Variants in PTER observed in about 807,000 individuals in gnomAD.
PTER encodes the protein phosphotriesterase related, also known as N-acetyltaurine hydrolase.
PTER carries 38 observed loss-of-function variants against 29.6 expected under a neutral mutation model. The observed-to-expected ratio is 1.28, with a 90% CI of 0.99 to 1.68. PTER has a LOEUF of 1.68. PTER is among the 40% of genes most tolerant of loss of function. The pLI is 0.00. For synonymous variants in PTER, 172 were observed against 154.5 expected (o/e 1.11, Z -0.84); for missense variants, 482 against 427.8 (o/e 1.13, Z -1.12).
intron 2 of PTER, 100 bp from the exon 3 acceptor site, chr10:16,486,252 A>G (rs1835688592): frequency 7.8e-7 from 1 of 1,290,090 alleles, no homozygotes; most frequent in South Asian, 1.5e-5. Flanking sequence ...TTTTTAAAAG[A>G]ATGAATGACA....
At chr10:16,446,762 ATTTT>A (rs1426983055) in intron 1 of PTER, among the ~76,000 whole-genome samples, 1 of 150,980 alleles carries the variant, frequency 6.6e-6, no homozygotes, top group Non-Finnish European at 1.5e-5. Flanking sequence ...ATTGTAAGAC[ATTTT>A]TGTTTGTTTG....
At chr10:16,455,106 G>A (rs998796480) in intron 1 of PTER, among the ~76,000 whole-genome samples, 7 of 152,040 alleles carry the variant, frequency 4.6e-5, no homozygotes, top group African/African-American at 1.5e-4. Context: ...GTATACACCT[G>A]TAGTCCCAGC....
In PTER at chr10:16,503,604, C is replaced by T. The variant is rs962973912; in HGVS notation, c.699-1416C>T. On this transcript the variant is annotated intron_variant, in intron 3 of 4. Transcript: ENST00000535784. ...TATTTTTAGTAGAGATGGGGTTTCG[C>T]CATGTTGGCCAAGCTGGTCTTGAAC... 4.6e-5 allele frequency among the ~76,000 whole-genome samples: 7 copies of T among 152,146 alleles called. 1 individual carries two copies. Among genetic ancestry groups the T allele is most frequent in the Admixed American group, 1.3e-4 (2 of 15,284 alleles).
intron 1 of PTER, among the ~76,000 whole-genome samples, chr10:16,462,625 C>T (rs1174734856): frequency 6.8e-6 from 1 of 146,002 alleles, no homozygotes; most frequent in Non-Finnish European, 1.5e-5. Flanking sequence ...GGCTGGAGTG[C>T]AGTGATGCAA....
At position 16,512,239 on chromosome 10, in the gene PTER, T is replaced by C. The variant is rs1836840006; in HGVS notation, c.*983T>C. ...CTTTAAAAGGTATCCAGCCCTGATA[T>C]TTTGTGTAAATAAAATGTTTTTAAA... On this transcript the variant is annotated 3_prime_UTR_variant, in exon 5 of 5. Transcript: ENST00000535784. The C allele has an allele frequency of 6.6e-6, 1 of 152,120 alleles. No homozygotes were observed. The highest frequency in any genetic ancestry group is 2.4e-5 in the African/African-American group (1 of 41,436). The allele number at this position is 152,120 out of a possible 1,614,324, so 9.4% of individuals were successfully genotyped here.
At chr10:16,481,349 C>T (rs1835473479) in intron 1 of PTER, among the ~76,000 whole-genome samples, 1 of 152,204 alleles carries the variant, frequency 6.6e-6, no homozygotes, top group African/African-American at 2.4e-5. Flanking sequence ...TGTGAACTCT[C>T]TTCTCTATGG....
chr10:16,509,694 CTGAG>C (rs1002424541), intron 4 of PTER, among the ~76,000 whole-genome samples: 3 of 152,118 alleles, frequency 2.0e-5, no homozygotes, highest in African/African-American at 7.2e-5. Flanking sequence ...TTCCCCTAAA[CTGAG>C]TGTGTTCCAA....
chr10:16,500,288 G>A (rs930438420), intron 3 of PTER, among the ~76,000 whole-genome samples: 4 of 148,440 alleles, frequency 2.7e-5, no homozygotes, highest in East Asian at 1.9e-4. Flanking sequence ...GCAGCAGTGC[G>A]ACCCAGGCTG....
intron 1 of PTER, among the ~76,000 whole-genome samples, chr10:16,457,709 C>T (rs2133385500): frequency 6.6e-6 from 1 of 152,192 alleles, no homozygotes; most frequent in Middle Eastern, 3.4e-3. Context: ...AAGTGATTCT[C>T]CTGCCTTAGC....
rs148826901 is a variant in PTER, at chr10:16,460,329, T to A, written c.-49+23282T>A. ...ATGTTCATAGTAAATACCTACATAG[T>A]TAGTAAAACAAACATTGGACAAGTT... On this transcript the variant is annotated intron_variant, in intron 1 of 4. Transcript: ENST00000535784. Among the ~76,000 whole-genome samples, 589 of 152,258 alleles carry A rather than the reference T, an allele frequency of 3.9e-3. 2 individuals are homozygous for A. Among genetic ancestry groups the A allele is most frequent in the Non-Finnish European group, 5.4e-3 (370 of 68,008 alleles).
At chr10:16,509,208 G>A (rs1836716136) in intron 4 of PTER, among the ~76,000 whole-genome samples, 1 of 152,160 alleles carries the variant, frequency 6.6e-6, no homozygotes, top group Non-Finnish European at 1.5e-5. Flanking sequence ...CAGGAGAGAT[G>A]ATCTTTTAGT....
At chr10:16,514,392 G>T, downstream of PTER, 1 of 669,600 alleles carries the variant, frequency 1.5e-6, no homozygotes, top group Non-Finnish European at 2.6e-6. Context: ...ATGTGAGTCA[G>T]GTAGCATTTG....
intron 1 of PTER, among the ~76,000 whole-genome samples, chr10:16,453,490 A>G (rs1834287288): frequency 6.6e-6 from 1 of 152,188 alleles, no homozygotes; most frequent in Non-Finnish European, 1.5e-5. Context: ...TACTATAAAG[A>G]CACCATTATT....
chr10:16,487,045 GAAGAA>G (rs1835729349), intron 3 of PTER, among the ~76,000 whole-genome samples: 1 of 152,204 alleles, frequency 6.6e-6, no homozygotes, highest in Non-Finnish European at 1.5e-5. Context: ...TTCACCCAGA[GAAGAA>G]AACCGCAAAT....
At chr10:16,448,344 C>G (rs1391018750) in intron 1 of PTER, among the ~76,000 whole-genome samples, 3 of 152,176 alleles carry the variant, frequency 2.0e-5, no homozygotes, top group Non-Finnish European at 2.9e-5. Context: ...TTCTTCTGTT[C>G]TGGACCCCAC....
At position 16,511,226 on chromosome 10, in the gene PTER, G is replaced by T; in HGVS notation, c.1020G>T (p.Glu340Asp). ...ATGTGCTTGATAAGATTCTAATAGA[G>T]AACCCTAAGCAATGGCTAACTTTCA... ...TENVLDKILI[E>D]NPKQWLTFK is the part of the protein sequence containing the mutation. The change falls in exon 5 of 5, where the codon GAG becomes GAT. Residue 340 changes from glutamate (E) to aspartate (D), a missense_variant. Transcript: ENST00000535784. The T allele has an allele frequency of 1.2e-6, 2 of 1,614,056 alleles. No homozygotes were observed. The highest frequency in any genetic ancestry group is 1.7e-6 in the Non-Finnish European group (2 of 1,179,952).
intron 1 of PTER, among the ~76,000 whole-genome samples, chr10:16,447,732 C>G (rs979305667): frequency 2.0e-5 from 3 of 152,068 alleles, no homozygotes; most frequent in African/African-American, 7.2e-5. Flanking sequence ...ATATATATGC[C>G]TGCATATATT....
intron 3 of PTER, among the ~76,000 whole-genome samples, chr10:16,500,312 C>T (rs572399337): frequency 6.6e-5 from 10 of 151,394 alleles, no homozygotes; most frequent in South Asian, 2.1e-4. Context: ...TGCAGCAGTG[C>T]GACCATAGCT....
At chr10:16,448,665 C>T (rs1459943794) in intron 1 of PTER, among the ~76,000 whole-genome samples, 1 of 152,156 alleles carries the variant, frequency 6.6e-6, no homozygotes, top group Non-Finnish European at 1.5e-5. Flanking sequence ...TTCTCATTCA[C>T]TGGGTACAAT....
Sources: allele counts gnomAD v4.1 joint callset (sites outside exome capture counted in the v4.1 genomes callset), GRCh38; gene constraint gnomAD v4.1.1; transcripts MANE v1.5; gene names NCBI Gene and HGNC (gene_info 2026-07-23, HGNC 2026-07-21).